ADGRB1: variants seen among roughly 807,000 people sequenced by gnomAD.
ADGRB1 encodes adhesion G protein-coupled receptor B1.
In ADGRB1, 36 loss-of-function variants were observed where a neutral mutation model predicts 175.7. The observed-to-expected ratio is 0.20, with a 90% CI of 0.16 to 0.27. The LOEUF is 0.27. ADGRB1 is among the 10% of genes least tolerant of loss of function. The probability of loss-of-function intolerance (pLI) is 1.00; values close to 1 mark genes in which losing one functional copy is unlikely to be tolerated. For missense variants in ADGRB1, 1,731 were observed against 2,255.3 expected (o/e 0.77, Z 4.71); for synonymous variants, 1,054 against 979.4 (o/e 1.08, Z -1.42).
chr8:142,515,959 C>T (rs1405407408), intron 18 of ADGRB1, among the ~76,000 whole-genome samples: 2 of 152,320 alleles, frequency 1.3e-5, no homozygotes, highest in East Asian at 1.9e-4. Context: ...TGGGGTAGTT[C>T]GAGGGGCCTG....
intron 7 of ADGRB1, 95 bp downstream of exon 7, chr8:142,478,455 G>T (rs1841122610): frequency 5.9e-6 from 8 of 1,360,500 alleles, no homozygotes; most frequent in African/African-American, 2.9e-5. Flanking sequence ...GTAACCATGG[G>T]CCCCGGCATG....
In ADGRB1 at chr8:142,477,246, A is replaced by T; in HGVS notation, c.1190A>T (p.Gln397Leu). 6.3e-7 allele frequency: 1 copy of T among 1,590,392 alleles called. No individual in the cohort carries two copies. The highest frequency in any genetic ancestry group is 8.5e-7 in the Non-Finnish European group (1 of 1,170,182). ...CAGTGCAGCGGACCCCTGCGCGAGC[A>T]GCGGCTGTGCAACAACTCTGCCGTG... ...STQCSGPLRE[Q>L]RLCNNSAVCP... Residue 397 changes from glutamine to leucine, a missense_variant, in exon 5 of 31, where the codon CAG becomes CTG. This residue lies in a region of ADGRB1 where 178 missense variants were observed against 227.8 expected (regional missense o/e 0.78). Coordinates refer to ENST00000517894, the MANE Select transcript of ADGRB1 (RefSeq NM_001702.3).
chr8:142,479,511 G>T, intron 8 of ADGRB1, 24 bp downstream of exon 8: 1 of 1,524,340 alleles, frequency 6.6e-7, no homozygotes, highest in Admixed American at 2.4e-5. Flanking sequence ...TACCTGGGCT[G>T]GGCTCTGGGG....
At chr8:142,525,398 C>G (rs1844115720) in intron 23 of ADGRB1, among the ~76,000 whole-genome samples, 1 of 151,798 alleles carries the variant, frequency 6.6e-6, no homozygotes, top group Non-Finnish European at 1.5e-5. Flanking sequence ...GTCAGGAAGG[C>G]AGGCTGACCC....
rs376843319 is a variant in ADGRB1 at position 142,495,801 on chromosome 8, T to C, written c.2675+4986T>C. On this transcript the variant is annotated intron_variant, in intron 17 of 30. Coordinates refer to ENST00000517894, the MANE Select transcript of ADGRB1 (RefSeq NM_001702.3). ...CTCAATTACATCTACAAAAACCATG[T>C]TTCCAAATAAAATCATATTCGTAGG... Among the ~76,000 whole-genome samples, 193 of 152,234 alleles carry C rather than the reference T, an allele frequency of 1.3e-3. 1 individual carries two copies. Among genetic ancestry groups the C allele is most frequent in the African/African-American group, 4.5e-3 (186 of 41,526 alleles).
chr8:142,483,694 ACTGGTCACATGCTGAACCCTGACC>A (rs571002174), intron 11 of ADGRB1, among the ~76,000 whole-genome samples: 37,275 of 130,284 alleles, frequency 0.29, 6,939 homozygotes, highest in African/African-American at 0.53. Context: ...CTGACACTGC[ACTGGTCACATGCTGAACCCTGACC>A]CTGGTCACAT....
chr8:142,541,369 T>C (rs1845261510), intron 27 of ADGRB1, among the ~76,000 whole-genome samples: 2 of 151,916 alleles, frequency 1.3e-5, no homozygotes, highest in Admixed American at 6.6e-5. Flanking sequence ...TATGGAGACC[T>C]CTCTCCAGGG....
intron 1 of ADGRB1, among the ~76,000 whole-genome samples, chr8:142,452,110 C>CG (rs1362803938): frequency 6.6e-6 from 1 of 152,214 alleles, no homozygotes. Context: ...TGCGCGCGTT[C>CG]GGGGATCCCG....
intron 18 of ADGRB1, among the ~76,000 whole-genome samples, chr8:142,514,991 G>C (rs1843333796): frequency 6.6e-6 from 1 of 152,150 alleles, no homozygotes; most frequent in Non-Finnish European, 1.5e-5. Context: ...GTCCTTAGGG[G>C]GCAAAGGGTG....
intron 17 of ADGRB1, among the ~76,000 whole-genome samples, chr8:142,500,383 G>A (rs111385728): frequency 0.68 from 8,781 of 12,982 alleles, 3,860 homozygotes; most frequent in African/African-American, 0.79. Flanking sequence ...CCTGCCCCCC[G>A]CGCCGCTCCT....
chr8:142,469,765 ATG>A (rs547876574), intron 2 of ADGRB1, among the ~76,000 whole-genome samples: 1 of 149,044 alleles, frequency 6.7e-6, no homozygotes, highest in East Asian at 2.0e-4. Context: ...GTGTGAATGT[ATG>A]TGTGTATGTC....
intron 2 of ADGRB1, among the ~76,000 whole-genome samples, chr8:142,468,011 G>C (rs1840372872): frequency 6.6e-6 from 1 of 152,242 alleles, no homozygotes; most frequent in Non-Finnish European, 1.5e-5. Flanking sequence ...CTGAGAAAGG[G>C]AATGTTTGGA....
At position 142,541,136 on chromosome 8, in the gene ADGRB1, C is replaced by T. The variant is rs75106328; in HGVS notation, c.3707-805C>T. Among the ~76,000 whole-genome samples the T allele has an allele frequency of 9.0e-3, 1,363 of 151,528 alleles. 16 individuals carry two copies. Among genetic ancestry groups the T allele is most frequent in the African/African-American group, 0.031 (1,280 of 41,340 alleles). ...GGCTTCCCAGGAAGGGCCCTGGGGT[C>T]TGGATCTTTGGAGACTGGGGCTTGG... On this transcript the variant is annotated intron_variant, in intron 27 of 30. Transcript: ENST00000517894.
At chr8:142,469,241 ACACATGCATGTG>A (rs2131716115) in intron 2 of ADGRB1, among the ~76,000 whole-genome samples, 1 of 149,934 alleles carries the variant, frequency 6.7e-6, no homozygotes, top group South Asian at 2.1e-4. Flanking sequence ...GAATGTGTGC[ACACATGCATGTG>A]TGTGAATGTG....
At chr8:142,495,734 C>T (rs1587342573) in intron 17 of ADGRB1, among the ~76,000 whole-genome samples, 1 of 151,882 alleles carries the variant, frequency 6.6e-6, no homozygotes, top group Admixed American at 6.6e-5. Context: ...TGGATCTGTG[C>T]CCCCCCGCCA....
At chr8:142,531,525 C>T (rs1049036431) in intron 24 of ADGRB1, among the ~76,000 whole-genome samples, 2 of 152,210 alleles carry the variant, frequency 1.3e-5, no homozygotes, top group African/African-American at 4.8e-5. Flanking sequence ...CTCTAGTACA[C>T]TCCAAAGTTG....
intron 25 of ADGRB1, among the ~76,000 whole-genome samples, chr8:142,536,003 C>T (rs1055935641): frequency 4.6e-5 from 7 of 152,176 alleles, no homozygotes; most frequent in Admixed American, 1.3e-4. Context: ...CCCCATCTGC[C>T]TGATGAGAGG....
At chr8:142,538,178 T>A (rs1845050210) in intron 26 of ADGRB1, among the ~76,000 whole-genome samples, 1 of 152,162 alleles carries the variant, frequency 6.6e-6, no homozygotes, top group Non-Finnish European at 1.5e-5. Flanking sequence ...TGCCCCATGG[T>A]GCCACCTTTC....
intron 20 of ADGRB1, 57 bp from the exon 21 acceptor site, chr8:142,521,908 A>T (rs7463713): frequency 6.5e-7 from 1 of 1,532,456 alleles, no homozygotes; most frequent in Non-Finnish European, 8.8e-7. Flanking sequence ...CTCAGTGGGG[A>T]CAGGTGTGGG....
Sources: gnomAD v4.1 joint callset for allele counts (sites outside exome capture counted in the v4.1 genomes callset) on GRCh38, gnomAD v4.1.1 for gene constraint, gnomAD v4.1.1 regional missense constraint, MANE v1.5 for transcripts, NCBI Gene and HGNC (gene_info 2026-07-23, HGNC 2026-07-21) for gene names.